Variants in IDO2 observed in about 807,000 individuals in gnomAD.
IDO2 encodes indoleamine 2,3-dioxygenase 2, also known as indoleamine 2,3-dioxygenase-like 1 protein.
In IDO2, 46 loss-of-function variants were observed where a neutral mutation model predicts 45.1. That is an observed-to-expected ratio of 1.02 (90% CI 0.80 to 1.30). The LOEUF (loss-of-function observed/expected upper bound fraction) is 1.30, where lower values mean the gene tolerates loss of function less well. IDO2 is among the 50% of genes most tolerant of loss of function. The pLI is 0.00. For synonymous variants in IDO2, 218 were observed against 184.9 expected, an observed-to-expected ratio of 1.18 and a Z score of -1.45; for missense variants, 544 against 491.8, an observed-to-expected ratio of 1.11 and a Z score of -1.00.
intron 3 of IDO2, among the ~76,000 whole-genome samples, chr8:39,972,728 G>A (rs142767284): frequency 2.4e-3 from 351 of 148,190 alleles, no homozygotes; most frequent in African/African-American, 8.1e-3. Flanking sequence ...GTGGCAAACC[G>A]CCTTGTTTTC....
chr8:39,988,049 G>T (rs1417489899), intron 7 of IDO2, 79 bp downstream of exon 7: 4 of 795,468 alleles, frequency 5.0e-6, no homozygotes, highest in Non-Finnish European at 8.3e-6. Flanking sequence ...TTCCTGCAGT[G>T]GATTTCTCAA....
chr8:39,968,407 A>C (rs1278493808), intron 3 of IDO2, among the ~76,000 whole-genome samples: 1 of 152,198 alleles, frequency 6.6e-6, no homozygotes, highest in Non-Finnish European at 1.5e-5. Context: ...AATGTTTAGC[A>C]TGATGAAACT....
chr8:39,972,303 A>T (rs1281992165), intron 3 of IDO2, among the ~76,000 whole-genome samples: 2 of 152,204 alleles, frequency 1.3e-5, no homozygotes, highest in East Asian at 1.9e-4. Flanking sequence ...GTTTGAGAGG[A>T]TTAACTGCAA....
rs564708153 is a variant in IDO2, at chr8:39,950,459, AG to A, written c.99+1200del. ...AGGCAGGAGAATCCTTGAACCCAGG[AG>A]GGGGAGGTTGCAATGAGTGGAGATC... is the stretch of plus-strand genomic sequence containing the variant. On this transcript the variant is annotated intron_variant, in intron 2 of 10. Transcript: ENST00000502986. Among the ~76,000 whole-genome samples, 43 of 152,298 alleles carry A rather than the reference AG, an allele frequency of 2.8e-4. 1 individual carries two copies. The South Asian group carries it at 8.3e-3, about 29-fold the overall frequency.
chr8:39,963,751 C>A, intron 3 of IDO2, 48 bp downstream of exon 3: 1 of 1,122,604 alleles, frequency 8.9e-7, no homozygotes, highest in Non-Finnish European at 1.3e-6. Flanking sequence ...CATCATCATA[C>A]CACTTTTCTT....
chr8:40,005,636 T>A (rs2909331), intron 9 of IDO2, among the ~76,000 whole-genome samples: 20,199 of 152,206 alleles, frequency 0.13, 1,411 homozygotes, highest in Middle Eastern at 0.21. Flanking sequence ...CCTAGCTCAA[T>A]GACAGAAGAA....
chr8:40,006,422 C>T (rs753539265), intron 9 of IDO2, among the ~76,000 whole-genome samples: 1 of 152,096 alleles, frequency 6.6e-6, no homozygotes, highest in East Asian at 1.9e-4. Context: ...GTATTAAATG[C>T]ATTTTTTGTC....
At chr8:39,999,282 T>A (rs1265549807) in intron 8 of IDO2, among the ~76,000 whole-genome samples, 2 of 142,098 alleles carry the variant, frequency 1.4e-5, no homozygotes, top group African/African-American at 5.4e-5. Context: ...GCTGCTTTTT[T>A]TTTTTTTTTT....
At chr8:39,984,958 G>A (rs1335781673) in intron 5 of IDO2, 1 of 420,288 alleles carries the variant, frequency 2.4e-6, no homozygotes, top group Non-Finnish European at 4.7e-6. Context: ...CAGAGACGGA[G>A]TCTCCCTCTG....
chr8:39,972,813 C>T (rs987923591), intron 3 of IDO2, among the ~76,000 whole-genome samples: 3 of 151,956 alleles, frequency 2.0e-5, no homozygotes, highest in African/African-American at 7.3e-5. Context: ...GGGCTCTCCA[C>T]CAGCAAAGAG....
chr8:39,974,823 A>T (rs1311086516), intron 3 of IDO2, among the ~76,000 whole-genome samples: 2 of 152,228 alleles, frequency 1.3e-5, no homozygotes, highest in Non-Finnish European at 2.9e-5. Context: ...TGGGAGGCTG[A>T]GGCAGGAGAA....
intron 3 of IDO2, among the ~76,000 whole-genome samples, chr8:39,966,249 G>C (rs975934852): frequency 2.6e-5 from 4 of 151,904 alleles, no homozygotes; most frequent in Non-Finnish European, 5.9e-5. Context: ...GGCTGGTCTC[G>C]AACTCCTAAC....
At chr8:40,002,680 T>C (rs1035897812) in intron 8 of IDO2, among the ~76,000 whole-genome samples, 1 of 152,052 alleles carries the variant, frequency 6.6e-6, no homozygotes, top group Non-Finnish European at 1.5e-5. Context: ...CTCAGGAGGC[T>C]GAGGCAGGAG....
At chr8:39,981,145 T>C (rs1005036777) in intron 4 of IDO2, among the ~76,000 whole-genome samples, 2 of 150,242 alleles carry the variant, frequency 1.3e-5, no homozygotes, top group East Asian at 2.0e-4. Context: ...CACTGCAAGC[T>C]CCGCCTCCCA....
chr8:39,949,450 A>C (rs1184578711), intron 2 of IDO2, among the ~76,000 whole-genome samples, 186 bp downstream of exon 2: 1 of 152,258 alleles, frequency 6.6e-6, no homozygotes, highest in Admixed American at 6.5e-5. Context: ...GATACCACAG[A>C]GAACAGGTCA....
At chr8:40,009,972 G>A (rs13277142) in intron 9 of IDO2, among the ~76,000 whole-genome samples, 104,450 of 151,956 alleles carry the variant, frequency 0.69, 36,514 homozygotes, top group Non-Finnish European at 0.73. Flanking sequence ...AGTTCTAGGT[G>A]CTGGAAATAG....
At chr8:39,976,071 C>T (rs1350506764) in intron 3 of IDO2, among the ~76,000 whole-genome samples, 7 of 152,120 alleles carry the variant, frequency 4.6e-5, no homozygotes, top group Admixed American at 4.6e-4. Flanking sequence ...CCTCCACCTC[C>T]CAGGTTCAGG....
intron 3 of IDO2, among the ~76,000 whole-genome samples, chr8:39,978,008 T>C (rs1373738985): frequency 6.6e-6 from 1 of 152,242 alleles, no homozygotes; most frequent in East Asian, 1.9e-4. Context: ...TAGCCTCCTG[T>C]TGTGCTATCA....
chr8:40,005,056 G>A (rs1016936716), intron 8 of IDO2, among the ~76,000 whole-genome samples: 6 of 152,150 alleles, frequency 3.9e-5, no homozygotes, highest in Admixed American at 2.0e-4. Flanking sequence ...AGATGGCCTT[G>A]TTCTCTTTTT....
Sources: gnomAD v4.1 joint callset for allele counts (sites outside exome capture counted in the v4.1 genomes callset) on GRCh38, gnomAD v4.1.1 for gene constraint, MANE v1.5 for transcripts, NCBI Gene and HGNC (gene_info 2026-07-23, HGNC 2026-07-21) for gene names.